The following DOK6 variants were observed in gnomAD, a reference collection of about 807,000 sequenced individuals.
The protein encoded by DOK6 is downstream of tyrosine kinase 6.
Under a neutral mutation model 44.0 loss-of-function variants are expected in DOK6, and 22 were observed. The ratio of observed to expected loss-of-function variants is 0.50; its 90% CI spans 0.36 to 0.71. The LOEUF is 0.71. Among genes scored for constraint, DOK6 ranks in the 30% least tolerant of loss-of-function variants. The pLI, the probability that DOK6 is intolerant of heterozygous loss-of-function variation, is 0.00. For synonymous variants in DOK6, 166 were observed against 145.5 expected (o/e 1.14, Z -1.01); for missense variants, 340 against 416.4 (o/e 0.82, Z 1.60).
chr18:69,778,128 G>T (rs1980137597), intron 7 of DOK6, among the ~76,000 whole-genome samples: 1 of 152,070 alleles, frequency 6.6e-6, no homozygotes, highest in South Asian at 2.1e-4. Context: ...AAGTAACAAA[G>T]AAAGAAATTC....
Position 69,545,116 on chromosome 18 carries a change from T to TAAA in DOK6, c.67-19360_67-19358dup, listed in dbSNP as rs11415632. Among the ~76,000 whole-genome samples the TAAA allele has an allele frequency of 3.0e-3, 441 of 145,130 alleles. 11 individuals are homozygous for TAAA. The highest frequency in any genetic ancestry group is 4.4e-3 in the Non-Finnish European group (286 of 65,732). On this transcript the variant is annotated intron_variant, in intron 1 of 7. Coordinates refer to ENST00000382713, the MANE Select transcript of DOK6 (RefSeq NM_152721.6). Reference sequence around the variant, plus strand: ...GCCTGGGTGACAGAGCGAGACACCATAAAAAAAAAAAAATTACAACCCATG... The same window carrying TAAA: ...GCCTGGGTGACAGAGCGAGACACCATAAAAAAAAAAAAAAAATTACAACCCATG...
At chr18:69,592,532 T>C (rs533719140) in intron 2 of DOK6, among the ~76,000 whole-genome samples, 8 of 152,256 alleles carry the variant, frequency 5.3e-5, no homozygotes, top group South Asian at 2.1e-4. Context: ...TGTTGTCATT[T>C]AGGTAAATTT....
At chr18:69,493,342 T>C (rs2144541590) in intron 1 of DOK6, among the ~76,000 whole-genome samples, 1 of 152,328 alleles carries the variant, frequency 6.6e-6, no homozygotes, top group Non-Finnish European at 1.5e-5. Flanking sequence ...GCACCATGTT[T>C]AGTGGCCAAG....
At chr18:69,824,341 TAC>T (rs1491041291) in intron 7 of DOK6, among the ~76,000 whole-genome samples, 7 of 151,012 alleles carry the variant, frequency 4.6e-5, no homozygotes, top group East Asian at 1.9e-4. Flanking sequence ...TGATGGTTTT[TAC>T]AAAAAAAAAA....
intron 7 of DOK6, among the ~76,000 whole-genome samples, chr18:69,819,479 A>T (rs1981504012): frequency 6.6e-6 from 1 of 152,158 alleles, no homozygotes; most frequent in Non-Finnish European, 1.5e-5. Context: ...CAATCCCAGA[A>T]ATTTAATAGG....
chr18:69,457,197 G>T (rs1979655120), intron 1 of DOK6, among the ~76,000 whole-genome samples: 1 of 152,026 alleles, frequency 6.6e-6, no homozygotes, highest in Admixed American at 6.6e-5. Flanking sequence ...AATTGCTTTT[G>T]GGGACTTAGC....
chr18:69,797,761 G>A lies in DOK6; in HGVS notation c.856+39888G>A, dbSNP rs556559707. ...TAATATTTTCTTACTTCCTCACAGT[G>A]CTATCACTAAGCCTTATATTGTATT... On this transcript the variant is annotated intron_variant, in intron 7 of 7. Coordinates refer to ENST00000382713, the MANE Select transcript of DOK6 (RefSeq NM_152721.6). Among the ~76,000 whole-genome samples, 90 of 152,090 alleles carry A rather than the reference G, an allele frequency of 5.9e-4. 1 individual carries two copies. Among genetic ancestry groups the A allele is most frequent in the Middle Eastern group, 6.8e-3 (2 of 294 alleles).
At chr18:69,490,141 C>CA (rs773381947) in intron 1 of DOK6, among the ~76,000 whole-genome samples, 60 of 150,034 alleles carry the variant, frequency 4.0e-4, no homozygotes, top group East Asian at 2.5e-3. Flanking sequence ...CTGAAGAAAA[C>CA]AAAAAAAAAG....
At chr18:69,421,317 A>C (rs964487952) in intron 1 of DOK6, among the ~76,000 whole-genome samples, 25 of 152,192 alleles carry the variant, frequency 1.6e-4, no homozygotes, top group African/African-American at 5.5e-4. Context: ...ACTTCAGAAT[A>C]TTAACATTAT....
chr18:69,712,387 GA>G (rs1986786030), intron 5 of DOK6, among the ~76,000 whole-genome samples: 2 of 140,908 alleles, frequency 1.4e-5, no homozygotes, highest in Admixed American at 1.5e-4. Flanking sequence ...ACACTTTTAT[GA>G]AAGAGGCAAT....
intron 3 of DOK6, among the ~76,000 whole-genome samples, chr18:69,633,642 C>T (rs1343739518): frequency 6.6e-6 from 1 of 152,084 alleles, no homozygotes; most frequent in African/African-American, 2.4e-5. Context: ...TTACACAAAG[C>T]AGAACCTATC....
rs546548819 is a variant in DOK6, at chr18:69,704,714, C to T, written c.599+6121C>T. ...CAAGATGGTCTCCATCTCCTGACTTCGTGATCCACTTGCCTCGGCCTCCCA... is the reference window on the plus strand; with the variant it reads ...CAAGATGGTCTCCATCTCCTGACTTTGTGATCCACTTGCCTCGGCCTCCCA... On this transcript the variant is annotated intron_variant, in intron 5 of 7. Transcript: ENST00000382713. Among the ~76,000 whole-genome samples the T allele has an allele frequency of 5.3e-5, 8 of 152,234 alleles. No individual in the cohort carries two copies. The South Asian group carries it at 1.7e-3, about 32-fold the overall frequency.
chr18:69,632,885 G>T (rs1309725841), intron 3 of DOK6, among the ~76,000 whole-genome samples: 2 of 152,136 alleles, frequency 1.3e-5, no homozygotes, highest in African/African-American at 4.8e-5. Context: ...ACTTTGTGTT[G>T]CCATCACTTG....
intron 1 of DOK6, among the ~76,000 whole-genome samples, chr18:69,533,889 G>A (rs1982049764): frequency 6.6e-6 from 1 of 151,962 alleles, no homozygotes; most frequent in African/African-American, 2.4e-5. Context: ...CTAAAGAAAA[G>A]CTTTTCCAAT....
intron 1 of DOK6, among the ~76,000 whole-genome samples, chr18:69,563,774 G>A (rs868288042): frequency 2.1e-4 from 32 of 151,588 alleles, no homozygotes; most frequent in African/African-American, 5.6e-4. Flanking sequence ...CCCATTGTGC[G>A]CATATAACCT....
At chr18:69,586,090 T>A (rs1983492791) in intron 2 of DOK6, among the ~76,000 whole-genome samples, 1 of 152,198 alleles carries the variant, frequency 6.6e-6, no homozygotes, top group African/African-American at 2.4e-5. Flanking sequence ...GTCAGATGTG[T>A]GCAGTAAACA....
chr18:69,533,459 AT>A (rs1298036395), intron 1 of DOK6, among the ~76,000 whole-genome samples: 1 of 152,186 alleles, frequency 6.6e-6, no homozygotes, highest in Non-Finnish European at 1.5e-5. Context: ...GATACTAGGC[AT>A]TATCTCACTG....
intron 3 of DOK6, among the ~76,000 whole-genome samples, chr18:69,643,037 C>A (rs1173368799): frequency 6.6e-6 from 1 of 152,132 alleles, no homozygotes; most frequent in Admixed American, 6.5e-5. Context: ...TCTTTACATA[C>A]TTTGTTTCCC....
rs367853508 is a variant in DOK6, at chr18:69,623,251, A to G, written c.289+23753A>G. On this transcript the variant is annotated intron_variant, in intron 3 of 7. Coordinates refer to ENST00000382713, the MANE Select transcript of DOK6 (RefSeq NM_152721.6). Reference sequence around the variant, plus strand: ...AGAAGCAGAAGCTTGTGTAGCTCACAGAACCATGAGCTGATTAAACCTCTT... The same window carrying G: ...AGAAGCAGAAGCTTGTGTAGCTCACGGAACCATGAGCTGATTAAACCTCTT... Among the ~76,000 whole-genome samples, 5 of 152,304 alleles carry G rather than the reference A, an allele frequency of 3.3e-5. No individual in the cohort carries two copies. In the East Asian group the frequency reaches 9.6e-4, roughly 29 times the overall value.
Sources: allele counts gnomAD v4.1 joint callset (sites outside exome capture counted in the v4.1 genomes callset), GRCh38; gene constraint gnomAD v4.1.1; transcripts MANE v1.5; gene names NCBI Gene and HGNC (gene_info 2026-07-23, HGNC 2026-07-21).